SMG9: variants seen among roughly 807,000 people sequenced by gnomAD.
The protein encoded by SMG9 is SMG9 nonsense mediated mRNA decay factor.
In SMG9, 55 loss-of-function variants were observed where a neutral mutation model predicts 64.0. That is an observed-to-expected ratio of 0.86 (90% CI 0.69 to 1.08). The LOEUF (loss-of-function observed/expected upper bound fraction) is 1.08, where lower values mean the gene tolerates loss of function less well. Ranked by LOEUF, SMG9 falls within the 50% of genes least tolerant of loss-of-function variation. SMG9 has a pLI of 0.00. For missense variants in SMG9, 554 were observed against 681.3 expected (o/e 0.81, Z 2.08); for synonymous variants, 244 against 254.8 (o/e 0.96, Z 0.41).
chr19:43,742,523 C>T (rs1385358524), intron 6 of SMG9, among the ~76,000 whole-genome samples: 4 of 152,208 alleles, frequency 2.6e-5, no homozygotes, highest in Admixed American at 6.5e-5. Context: ...TATATTCTAA[C>T]GTGCCGAATA....
chr19:43,734,032 T>G (rs1968572138), intron 10 of SMG9: 2 of 538,768 alleles, frequency 3.7e-6, no homozygotes, highest in African/African-American at 3.8e-5. Flanking sequence ...AGGAACGGCA[T>G]GTGCAAAGGC....
At position 43,729,196 on chromosome 19, in the gene SMG9, G is replaced by T; in HGVS notation, c.*2400C>A. Reference sequence around the variant, plus strand: ...GGTGGGACAGGGCCTTTGGACCAAGGTCACCAGATCACCACGGTGGTGGTG... The same window carrying T: ...GGTGGGACAGGGCCTTTGGACCAAGTTCACCAGATCACCACGGTGGTGGTG... On this transcript the variant is annotated 3_prime_UTR_variant, in exon 14 of 14. Coordinates refer to ENST00000270066, the MANE Select transcript of SMG9 (RefSeq NM_019108.4). 5.1e-6 allele frequency: 1 copy of T among 196,728 alleles called. No individual in the cohort carries two copies. The highest frequency in any genetic ancestry group is 1.8e-4 in the South Asian group (1 of 5,684). The allele number at this position is 196,728 out of a possible 1,614,324, so 12.2% of individuals were successfully genotyped here. A position where few individuals can be genotyped will look rare whatever the true frequency, so the allele number is the denominator to read the frequency against.
rs1968716790 is a variant in SMG9 at position 43,737,685 on chromosome 19, G to T, written c.910-3C>A. 1 of 1,613,872 alleles carries T rather than the reference G, an allele frequency of 6.2e-7. No individual in the cohort carries two copies. The highest frequency in any genetic ancestry group is 1.3e-5 in the African/African-American group (1 of 75,032). ...AGGAAGGCAGCAATCTGGAGTGACT[G>T]AGGGTGGGCAGGATGGAAGGGAGGT... On this transcript the variant is annotated splice_polypyrimidine_tract_variant and splice_region_variant and intron_variant, in intron 8 of 13. Coordinates refer to ENST00000270066, the MANE Select transcript of SMG9 (RefSeq NM_019108.4).
intron 5 of SMG9, among the ~76,000 whole-genome samples, chr19:43,746,568 A>C (rs1274680064): frequency 1.3e-5 from 2 of 152,112 alleles, no homozygotes; most frequent in Non-Finnish European, 2.9e-5. Context: ...AATGGACTTG[A>C]GGCTGTGCTA....
intron 7 of SMG9, 139 bp downstream of exon 7, chr19:43,739,968 T>A (rs1968793593): frequency 1.5e-6 from 1 of 669,224 alleles, no homozygotes; most frequent in East Asian, 2.7e-5. Context: ...AAGACACAAT[T>A]TGCCCCAGGG....
At chr19:43,738,356 T>A in intron 7 of SMG9, 139 bp from the exon 8 acceptor site, 2 of 696,120 alleles carry the variant, frequency 2.9e-6, no homozygotes, top group Admixed American at 2.9e-5. Context: ...AAAAGGAAGT[T>A]AAAGAAAAAA....
At chr19:43,733,914 A>G in intron 10 of SMG9, 181 bp from the exon 11 acceptor site, 1 of 601,278 alleles carries the variant, frequency 1.7e-6, no homozygotes, top group Non-Finnish European at 3.0e-6. Context: ...CCCAGAAGTG[A>G]GTCAGGTCTG....
chr19:43,742,925 TA>T (rs779858879), intron 6 of SMG9, among the ~76,000 whole-genome samples: 23 of 151,866 alleles, frequency 1.5e-4, no homozygotes, highest in Non-Finnish European at 2.7e-4. Context: ...CCATCCCTAC[TA>T]AAAATATAAA....
intron 2 of SMG9, among the ~76,000 whole-genome samples, chr19:43,748,425 C>T (rs1238655413): frequency 6.6e-6 from 1 of 152,256 alleles, no homozygotes; most frequent in Non-Finnish European, 1.5e-5. Flanking sequence ...CCACCCTCGC[C>T]ACCTTCACTT....
chr19:43,740,761 A>T (rs894183212), intron 6 of SMG9, among the ~76,000 whole-genome samples: 1 of 151,370 alleles, frequency 6.6e-6, no homozygotes, highest in Non-Finnish European at 1.5e-5. Context: ...ACAGTGAGAG[A>T]GAGTTTGGGT....
intron 9 of SMG9, among the ~76,000 whole-genome samples, chr19:43,735,613 T>TAAAA (rs1968635992): frequency 4.5e-5 from 2 of 44,736 alleles, no homozygotes; most frequent in Admixed American, 2.5e-4. Flanking sequence ...AGACTCTGTC[T>TAAAA]CAAAAAAAAA....
chr19:43,744,671 A>G (rs1968945182), intron 6 of SMG9, 101 bp downstream of exon 6: 2 of 760,126 alleles, frequency 2.6e-6, no homozygotes, highest in African/African-American at 1.8e-5. Context: ...GCAACTTTCC[A>G]AAGTCCTTTG....
At chr19:43,750,477 G>C in intron 2 of SMG9, 115 bp downstream of exon 2, 2 of 1,183,324 alleles carry the variant, frequency 1.7e-6, no homozygotes, top group Non-Finnish European at 2.4e-6. Flanking sequence ...TATCCATGAG[G>C]GTGGTAGGTT....
chr19:43,744,968 G>T, intron 5 of SMG9, 84 bp from the exon 6 acceptor site: 1 of 979,670 alleles, frequency 1.0e-6, no homozygotes, highest in African/African-American at 1.6e-5. Flanking sequence ...GACCCTTGTG[G>T]CTCCCCCACC....
rs937013894 is a variant in SMG9, at chr19:43,740,119, G to A, written c.801C>T (p.Phe267=). 5.0e-6 allele frequency: 8 copies of A among 1,613,264 alleles called. No homozygotes were observed. In the East Asian group the frequency reaches 6.7e-5, roughly 13 times the overall value. ...GCGGGGCTGGCACCTGTGTGTCCAG[G>A]AAAACAATCCGTTCTTGGGTAATAA... ...DFFITQERIV[F]LDTQPILSPS... is the part of the protein sequence containing the mutation. The change falls in exon 7 of 14, where the codon TTC becomes TTT. Residue 267 remains phenylalanine, a synonymous_variant. Transcript: ENST00000270066.
rs150909325 is a variant in SMG9, at chr19:43,752,542, A to G, written c.-6-1795T>C. Among the ~76,000 whole-genome samples the G allele has an allele frequency of 6.0e-3, 916 of 152,328 alleles. 5 individuals are homozygous for G. Among genetic ancestry groups the G allele is most frequent in the Middle Eastern group, 0.014 (4 of 294 alleles). On this transcript the variant is annotated intron_variant, in intron 1 of 13. Transcript: ENST00000270066. Reference sequence around the variant, plus strand: ...GGCTGCCTTCTTGATGCAATGGCAGAGCTGAGACAGACAATACAGTCTGCA... The same window carrying G: ...GGCTGCCTTCTTGATGCAATGGCAGGGCTGAGACAGACAATACAGTCTGCA...
rs1053589855 is a variant in SMG9 at position 43,729,468 on chromosome 19, G to A, written c.*2128C>T. On this transcript the variant is annotated 3_prime_UTR_variant, in exon 14 of 14. Coordinates refer to ENST00000270066, the MANE Select transcript of SMG9 (RefSeq NM_019108.4). The stretch of plus-strand genomic sequence containing the variant: ...AGCAGGAGGTGGTAGGTTAGGGCTG[G>A]GAGGGCACAGTTCTCTCTGTCCCCA... 6.6e-6 allele frequency: 1 copy of A among 152,284 alleles called. No individual in the cohort carries two copies. The highest frequency in any genetic ancestry group is 1.5e-5 in the Non-Finnish European group (1 of 68,138). The allele number at this position is 152,284 out of a possible 1,614,324, so 9.4% of individuals were successfully genotyped here. A position where few individuals can be genotyped will look rare whatever the true frequency, so the allele number is the denominator to read the frequency against.
intron 6 of SMG9, among the ~76,000 whole-genome samples, chr19:43,743,566 C>T (rs781513499): frequency 2.6e-5 from 4 of 152,120 alleles, no homozygotes; most frequent in South Asian, 2.1e-4. Context: ...GAGGCCAAAG[C>T]GGGAGGATTG....
chr19:43,734,922 A>T, intron 9 of SMG9: 1 of 159,216 alleles, frequency 6.3e-6, no homozygotes, highest in Non-Finnish European at 1.4e-5. Context: ...ATCAGGGATC[A>T]CTCTTGGTGC....
Sources: gnomAD v4.1 joint callset for allele counts (sites outside exome capture counted in the v4.1 genomes callset) on GRCh38, gnomAD v4.1.1 for gene constraint, MANE v1.5 for transcripts, NCBI Gene and HGNC (gene_info 2026-07-23, HGNC 2026-07-21) for gene names.